Variants in TMEM94 observed in about 807,000 individuals in gnomAD.
TMEM94 encodes transmembrane protein 94.
TMEM94 carries 81 observed loss-of-function variants against 158.6 expected under a neutral mutation model. The ratio of observed to expected loss-of-function variants is 0.51; its 90% CI spans 0.43 to 0.61. The LOEUF is 0.61. Among genes scored for constraint, TMEM94 ranks in the 20% least tolerant of loss-of-function variants. The pLI is 0.00. For synonymous variants in TMEM94, 751 were observed against 730.7 expected (o/e 1.03, Z -0.45); for missense variants, 1,435 against 1,762.0 (o/e 0.81, Z 3.32).
Position 75,493,118 on chromosome 17 carries a change from G to C in TMEM94, c.2086+16G>C, listed in dbSNP as rs779201000. 1 of 1,610,758 alleles carries C rather than the reference G, an allele frequency of 6.2e-7. No individual in the cohort carries two copies. The highest frequency in any genetic ancestry group is 2.2e-5 in the East Asian group (1 of 44,838). On this transcript the variant is annotated intron_variant, in intron 16 of 31. Coordinates refer to ENST00000314256, the MANE Select transcript of TMEM94 (RefSeq NM_014738.6). The stretch of plus-strand genomic sequence containing the variant: ...ACCACCACCAGTGAGCCCTGGCTAC[G>C]TTGGCCAGCACCAGGCGAGACCTTC...
chr17:75,481,119 C>G (rs11867542), intron 2 of TMEM94, among the ~76,000 whole-genome samples: 8,956 of 152,304 alleles, frequency 0.059, 844 homozygotes, highest in African/African-American at 0.2. Context: ...TACAACCCTC[C>G]CTGAAGCTTT....
At chr17:75,463,033 AAAAAATATATATAT>A (rs1482983627) in intron 1 of TMEM94, among the ~76,000 whole-genome samples, 85 of 5,142 alleles carry the variant, frequency 0.017, no homozygotes, top group Non-Finnish European at 0.029. Context: ...AAAAAAAAAA[AAAAAATATATATAT>A]ATATATATAT....
intron 1 of TMEM94, among the ~76,000 whole-genome samples, chr17:75,462,882 G>A (rs2050124718): frequency 6.8e-6 from 1 of 146,692 alleles, no homozygotes; most frequent in African/African-American, 2.6e-5. Context: ...AGCTACTCGG[G>A]TGGCTGAAGT....
intron 1 of TMEM94, among the ~76,000 whole-genome samples, chr17:75,463,151 CGT>C (rs2050167936): frequency 3.3e-5 from 1 of 30,020 alleles, no homozygotes; most frequent in Non-Finnish European, 5.7e-5. Flanking sequence ...TATATATACA[CGT>C]ATATATATGT....
chr17:75,469,596 C>T (rs1043744666), intron 1 of TMEM94, among the ~76,000 whole-genome samples: 4 of 148,890 alleles, frequency 2.7e-5, no homozygotes, highest in Admixed American at 6.8e-5. Flanking sequence ...CTGCCTGCCT[C>T]GGCCTCCCAA....
At chr17:75,490,613 C>A in intron 10 of TMEM94, 89 bp from the exon 11 acceptor site, 3 of 1,239,502 alleles carry the variant, frequency 2.4e-6, no homozygotes, top group Non-Finnish European at 2.3e-6. Context: ...GGGAGCCCCG[C>A]TGGTGTGGGC....
intron 1 of TMEM94, among the ~76,000 whole-genome samples, chr17:75,459,291 T>G (rs887631518): frequency 1.3e-5 from 2 of 152,278 alleles, no homozygotes; most frequent in Admixed American, 6.5e-5. Context: ...ACCATCTTCT[T>G]CATCATCAGC....
At position 75,492,469 on chromosome 17, in the gene TMEM94, C is replaced by A. The variant is rs1484563762; in HGVS notation, c.1597-5C>A. On this transcript the variant is annotated splice_region_variant and splice_polypyrimidine_tract_variant and intron_variant, in intron 14 of 31. Transcript: ENST00000314256. This position sits in a 1 kb window ranked among gnomAD's most constrained non-coding sequence, Gnocchi z 4.4. ...GGCTGAGGCTCTCCTCCACATTTCCCCCAGACCCAGCCTGGGATGGAGAGC... is the reference window on the plus strand; with the variant it reads ...GGCTGAGGCTCTCCTCCACATTTCCACCAGACCCAGCCTGGGATGGAGAGC... 5 of 1,569,474 alleles carry A rather than the reference C, an allele frequency of 3.2e-6. No individual in the cohort carries two copies. The highest frequency in any genetic ancestry group is 4.3e-6 in the Non-Finnish European group (5 of 1,154,028).
rs1245773636 is a variant in TMEM94 at position 75,499,571 on chromosome 17, A to T, written c.*237A>T. ...GGCTCTTCCCTGGGCCTCACCAGGG[A>T]CACTCTTGAATGTATGGCCTCAGGC... On this transcript the variant is annotated 3_prime_UTR_variant, in exon 32 of 32. Coordinates refer to ENST00000314256, the MANE Select transcript of TMEM94 (RefSeq NM_014738.6). The T allele has an allele frequency of 1.0e-5, 6 of 574,332 alleles. No homozygotes were observed. The Admixed American group carries it at 1.6e-4, about 15-fold the overall frequency. The allele number at this position is 574,332 out of a possible 1,614,324, so 35.6% of individuals were successfully genotyped here.
intron 2 of TMEM94, among the ~76,000 whole-genome samples, chr17:75,479,665 C>G (rs2051003196): frequency 4.0e-5 from 6 of 151,696 alleles, no homozygotes; most frequent in South Asian, 2.1e-4. Context: ...CACCTGTAAT[C>G]CCAACACTTT....
rs529008406 is a variant in TMEM94 at position 75,458,874 on chromosome 17, G to A, written c.-107+2123G>A. Among the ~76,000 whole-genome samples the A allele has an allele frequency of 1.5e-3, 222 of 151,866 alleles. 1 individual carries two copies. Among genetic ancestry groups the A allele is most frequent in the African/African-American group, 4.6e-3 (189 of 41,442 alleles). The stretch of plus-strand genomic sequence containing the variant: ...AGATCAAGACCATCCTGGCTAACAC[G>A]GTGAAACCCCATCTCTACTAAAAAT... On this transcript the variant is annotated intron_variant, in intron 1 of 31. Coordinates refer to ENST00000314256, the MANE Select transcript of TMEM94 (RefSeq NM_014738.6).
Position 75,485,355 on chromosome 17 carries a change from G to C in TMEM94, c.25-73G>C. 1 of 1,554,444 alleles carries C rather than the reference G, an allele frequency of 6.4e-7. No individual in the cohort carries two copies. Among genetic ancestry groups the C allele is most frequent in the Non-Finnish European group, 8.7e-7 (1 of 1,144,194 alleles). On this transcript the variant is annotated intron_variant, in intron 2 of 31. Transcript: ENST00000314256. This position sits in a 1 kb window ranked among gnomAD's most constrained non-coding sequence, Gnocchi z 5.5. ...GGAAGGATGAAGGGCCAGGGAAGGG[G>C]AGGGTTGGGGCCCGCGTGCCTTGCA...
rs1022694394 is a variant in TMEM94 at position 75,491,759 on chromosome 17, G to A, written c.1455G>A (p.Glu485=). The A allele has an allele frequency of 4.3e-6, 7 of 1,613,964 alleles. No individual in the cohort carries two copies. The highest frequency in any genetic ancestry group is 5.9e-6 in the Non-Finnish European group (7 of 1,180,056). Residue 485 remains glutamate (E), a synonymous_variant, in exon 14 of 32, where the codon GAG becomes GAA. Coordinates refer to ENST00000314256, the MANE Select transcript of TMEM94 (RefSeq NM_014738.6). This position sits in a 1 kb window ranked among gnomAD's most constrained non-coding sequence, Gnocchi z 5.1. ...CCCTGCACCTTTCCAATGAGCAGGA[G>A]CGTGGCGACTGGCCTGGCGAGGCTC... ...NNTLHLSNEQ[E]RGDWPGEAPK... is the part of the protein sequence containing the mutation.
Position 75,485,425 on chromosome 17 carries a change from C to T in TMEM94, c.25-3C>T. 1 of 1,608,970 alleles carries T rather than the reference C, an allele frequency of 6.2e-7. No homozygotes were observed. Among genetic ancestry groups the T allele is most frequent in the Non-Finnish European group, 8.5e-7 (1 of 1,175,970 alleles). On this transcript the variant is annotated splice_region_variant and splice_polypyrimidine_tract_variant and intron_variant, in intron 2 of 31. Transcript: ENST00000314256. This position sits in a 1 kb window ranked among gnomAD's most constrained non-coding sequence, Gnocchi z 5.5. ...ACGCCCAGCGCCTCCTGCTTGCCTG[C>T]AGGGCGAGCCTCCCTCAGCCCTGGG...
In TMEM94 at chr17:75,485,754, C is replaced by T. The variant is rs757679875; in HGVS notation, c.145-117C>T. The T allele has an allele frequency of 6.2e-5, 87 of 1,401,960 alleles. No individual in the cohort carries two copies. The highest frequency in any genetic ancestry group is 1.5e-4 in the Admixed American group (6 of 40,460). The allele number at this position is 1,401,960 out of a possible 1,614,324, so 86.8% of individuals were successfully genotyped here. On this transcript the variant is annotated intron_variant, in intron 3 of 31. Transcript: ENST00000314256. This position sits in a 1 kb window ranked among gnomAD's most constrained non-coding sequence, Gnocchi z 5.5. Reference sequence around the variant, plus strand: ...GGAGCCCAACAGGCTGGAGCCCAGCCGAGGTCAAAGAGAGGGGACCAAGGC... The same window carrying T: ...GGAGCCCAACAGGCTGGAGCCCAGCTGAGGTCAAAGAGAGGGGACCAAGGC...
At chr17:75,473,569 G>T (rs527888044) in intron 2 of TMEM94, among the ~76,000 whole-genome samples, 3 of 152,264 alleles carry the variant, frequency 2.0e-5, no homozygotes, top group African/African-American at 7.2e-5. Flanking sequence ...GTATCGAAGG[G>T]CTGGGTGCTC....
intron 2 of TMEM94, chr17:75,476,803 G>T: frequency 6.5e-7 from 1 of 1,533,934 alleles, no homozygotes; most frequent in Non-Finnish European, 8.7e-7. Flanking sequence ...CCTGCTTTGT[G>T]TGGGAGTCTT....
At chr17:75,473,967 T>C (rs561200964) in intron 2 of TMEM94, among the ~76,000 whole-genome samples, 5 of 151,606 alleles carry the variant, frequency 3.3e-5, no homozygotes, top group Non-Finnish European at 7.4e-5. Context: ...ATACAAAAAT[T>C]AGCTGGGCAT....
Position 75,496,040 on chromosome 17 carries a change from C to T in TMEM94, c.3019C>T (p.Arg1007Trp), listed in dbSNP as rs368084258. 71 of 1,612,972 alleles carry T rather than the reference C, an allele frequency of 4.4e-5. No homozygotes were observed. Among genetic ancestry groups the T allele is most frequent in the Admixed American group, 6.7e-5 (4 of 59,984 alleles). ...CTGCCTGGGCAGCTCTGCCAACCTGCGGAACAGCTGCCTCTTCCTCCAGAG... is the reference window on the plus strand; with the variant it reads ...CTGCCTGGGCAGCTCTGCCAACCTGTGGAACAGCTGCCTCTTCCTCCAGAG... The part of the protein sequence containing the change: ...TCCLGSSANL[R>W]NSCLFLQSDI... Residue 1007 changes from arginine to tryptophan, a missense_variant, in exon 23 of 32, where the codon CGG (arginine) becomes TGG (tryptophan). Physicochemically the swap from Arg to Trp is moderately radical, Grantham distance 101. Coordinates refer to ENST00000314256, the MANE Select transcript of TMEM94 (RefSeq NM_014738.6).
Sources: allele counts gnomAD v4.1 joint callset (sites outside exome capture counted in the v4.1 genomes callset), GRCh38; gene constraint gnomAD v4.1.1; non-coding constraint Gnocchi (gnomAD v3.1); transcripts MANE v1.5; gene names NCBI Gene and HGNC (gene_info 2026-07-23, HGNC 2026-07-21).